DLC1: variants seen among roughly 807,000 people sequenced by gnomAD.
DLC1 encodes the protein DLC1 Rho GTPase activating protein, also known as rho GTPase-activating protein 7.
In DLC1, 54 loss-of-function variants were observed where a neutral mutation model predicts 140.3. That is an observed-to-expected ratio of 0.38 (90% CI 0.31 to 0.48). The LOEUF (loss-of-function observed/expected upper bound fraction) is 0.48, where lower values mean the gene tolerates loss of function less well. DLC1 is among the 20% of genes least tolerant of loss of function. DLC1 has a pLI of 0.96. For synonymous variants in DLC1, 986 were observed against 728.1 expected (o/e 1.35, Z -5.70); for missense variants, 2,536 against 1,907.0 (o/e 1.33, Z -6.14).
intron 5 of DLC1, among the ~76,000 whole-genome samples, chr8:13,192,526 C>A (rs1051828594): frequency 6.6e-6 from 1 of 152,128 alleles, no homozygotes; most frequent in African/African-American, 2.4e-5. Context: ...TCTCCTCTCC[C>A]CCAGCACTGC....
intron 1 of DLC1, among the ~76,000 whole-genome samples, chr8:13,565,501 T>G (rs1804395170): frequency 2.6e-5 from 4 of 152,222 alleles, no homozygotes. Context: ...TTTTAAAGAC[T>G]ACCATTATAT....
At chr8:13,413,344 A>T (rs554625130) in intron 2 of DLC1, among the ~76,000 whole-genome samples, 3 of 139,668 alleles carry the variant, frequency 2.1e-5, no homozygotes, top group East Asian at 2.2e-4. Context: ...TCTTCTTCCA[A>T]TGTGGCCCGG....
chr8:13,257,748 A>G (rs1586018637), intron 5 of DLC1, among the ~76,000 whole-genome samples: 1 of 152,246 alleles, frequency 6.6e-6, no homozygotes, highest in African/African-American at 2.4e-5. Flanking sequence ...TAAACACAAT[A>G]AAGTCTGTGG....
At chr8:13,297,355 T>A (rs1832003030) in intron 5 of DLC1, among the ~76,000 whole-genome samples, 1 of 128,548 alleles carries the variant, frequency 7.8e-6, no homozygotes, top group Non-Finnish European at 1.6e-5. Context: ...TTTCTGAGAA[T>A]GAAAGAGAAT....
At chr8:13,552,825 A>G (rs544512228) in intron 1 of DLC1, among the ~76,000 whole-genome samples, 210 of 152,098 alleles carry the variant, frequency 1.4e-3, no homozygotes, top group African/African-American at 4.9e-3. Context: ...AAGAAAGTAC[A>G]AAGTCTAAGT....
intron 5 of DLC1, among the ~76,000 whole-genome samples, chr8:13,193,532 A>G (rs1267607003): frequency 1.2e-4 from 18 of 152,106 alleles, no homozygotes; most frequent in Admixed American, 1.2e-3. Context: ...CCCTCCCACC[A>G]TTTCCTACTA....
intron 5 of DLC1, among the ~76,000 whole-genome samples, chr8:13,137,603 G>GTTTTTT (rs36035085): frequency 7.4e-6 from 1 of 134,374 alleles, no homozygotes; most frequent in Non-Finnish European, 1.6e-5. Context: ...TTTTGGTTTT[G>GTTTTTT]TTTTTTTTTT....
intron 4 of DLC1, among the ~76,000 whole-genome samples, chr8:13,366,542 G>T (rs753965609): frequency 6.6e-6 from 1 of 152,126 alleles, no homozygotes; most frequent in Non-Finnish European, 1.5e-5. Context: ...AGAAAAGCTG[G>T]GGAAAGAACC....
rs191823654 is a variant in DLC1, at chr8:13,364,029, G to A, written c.1314+29524C>T. Among the ~76,000 whole-genome samples, 4 of 152,314 alleles carry A rather than the reference G, an allele frequency of 2.6e-5. No individual in the cohort carries two copies. The East Asian group carries it at 7.7e-4, about 29-fold the overall frequency. ...AGTGATAGCAGGGAGAGGTAGGGGT[G>A]TGTGTGTATGTGTGTGTGTGCGCAC... On this transcript the variant is annotated intron_variant, in intron 4 of 17. Coordinates refer to ENST00000276297, the MANE Select transcript of DLC1 (RefSeq NM_182643.3).
chr8:13,120,066 G>C (rs367543719), intron 5 of DLC1, among the ~76,000 whole-genome samples: 88 of 151,856 alleles, frequency 5.8e-4, no homozygotes, highest in African/African-American at 2.1e-3. Context: ...TAACAGCTTG[G>C]GCATGGTGGC....
chr8:13,163,457 T>C (rs1824868836), intron 5 of DLC1, among the ~76,000 whole-genome samples: 2 of 152,076 alleles, frequency 1.3e-5, no homozygotes, highest in Non-Finnish European at 2.9e-5. Context: ...GGAGAATAAG[T>C]GGTTCCTCCA....
At chr8:13,412,536 G>A (rs1344002412) in intron 2 of DLC1, among the ~76,000 whole-genome samples, 2 of 152,014 alleles carry the variant, frequency 1.3e-5, no homozygotes, top group African/African-American at 2.4e-5. Context: ...AATGAGTTAT[G>A]GCACCATCAT....
intron 5 of DLC1, among the ~76,000 whole-genome samples, chr8:13,168,427 T>G (rs561516760): frequency 2.6e-5 from 4 of 152,298 alleles, no homozygotes; most frequent in African/African-American, 9.6e-5. Context: ...ACACAGTATT[T>G]TAAATCTCTT....
At chr8:13,135,273 C>T (rs1243682883) in intron 5 of DLC1, among the ~76,000 whole-genome samples, 1 of 149,166 alleles carries the variant, frequency 6.7e-6, no homozygotes, top group East Asian at 2.0e-4. Context: ...GACACGATCT[C>T]GGGTTCACGC....
At chr8:13,475,305 A>T (rs1800388647) in intron 2 of DLC1, among the ~76,000 whole-genome samples, 1 of 152,248 alleles carries the variant, frequency 6.6e-6, no homozygotes, top group Admixed American at 6.5e-5. Flanking sequence ...TAATTATTAA[A>T]GTTTATTTCA....
At chr8:13,214,017 C>G (rs1405536446) in intron 5 of DLC1, among the ~76,000 whole-genome samples, 2 of 152,160 alleles carry the variant, frequency 1.3e-5, no homozygotes, top group African/African-American at 4.8e-5. Flanking sequence ...CTCCTGATCT[C>G]AAGTGATCCG....
intron 1 of DLC1, among the ~76,000 whole-genome samples, chr8:13,586,437 T>C (rs1350094623): frequency 6.6e-6 from 1 of 152,176 alleles, no homozygotes; most frequent in Non-Finnish European, 1.5e-5. Context: ...ATGTACATGC[T>C]GGTGTCATCA....
Position 13,401,634 on chromosome 8 carries a change from A to G in DLC1, c.1024-15T>C. ...TCTCTTATTTCCTGAGGAACAGAAC[A>G]TTTTGTTACTGAATCTGAAAGGCCA... On this transcript the variant is annotated splice_polypyrimidine_tract_variant and intron_variant, in intron 2 of 17. Transcript: ENST00000276297. 3 of 1,601,952 alleles carry G rather than the reference A, an allele frequency of 1.9e-6. No homozygotes were observed. Among genetic ancestry groups the G allele is most frequent in the African/African-American group, 1.3e-5 (1 of 74,532 alleles).
intron 1 of DLC1, among the ~76,000 whole-genome samples, chr8:13,585,552 A>G (rs999604797): frequency 6.6e-6 from 1 of 152,232 alleles, no homozygotes; most frequent in Non-Finnish European, 1.5e-5. Context: ...AAGTGCCACC[A>G]ACTGGATGTC....
Sources: gnomAD v4.1 joint callset for allele counts (sites outside exome capture counted in the v4.1 genomes callset) on GRCh38, gnomAD v4.1.1 for gene constraint, MANE v1.5 for transcripts, NCBI Gene and HGNC (gene_info 2026-07-23, HGNC 2026-07-21) for gene names.